GPSM2: variants seen among roughly 807,000 people sequenced by gnomAD.
The protein encoded by GPSM2 is G protein-signaling modulator 2.
Under a neutral mutation model 78.4 loss-of-function variants are expected in GPSM2, and 58 were observed. That is an observed-to-expected ratio of 0.74 (90% CI 0.60 to 0.92). The LOEUF (loss-of-function observed/expected upper bound fraction) is 0.92, where lower values mean the gene tolerates loss of function less well. GPSM2 is among the 40% of genes least tolerant of loss of function. GPSM2 has a pLI of 0.00. For synonymous variants in GPSM2, 224 were observed against 280.2 expected (o/e 0.80, Z 2.00); for missense variants, 700 against 815.5 (o/e 0.86, Z 1.73).
intron 10 of GPSM2, among the ~76,000 whole-genome samples, chr1:108,911,079 A>G (rs570579449): frequency 6.6e-6 from 1 of 152,166 alleles, no homozygotes; most frequent in South Asian, 2.1e-4. Flanking sequence ...AAATCCAACT[A>G]CACACTACTT....
At chr1:108,914,783 TAGA>T (rs1557873584) in intron 11 of GPSM2, among the ~76,000 whole-genome samples, 1 of 152,214 alleles carries the variant, frequency 6.6e-6, no homozygotes, top group Non-Finnish European at 1.5e-5. Context: ...TTTTAATTAA[TAGA>T]AGATCAGGAA....
At position 108,904,205 on chromosome 1, in the gene GPSM2, A is replaced by G; in HGVS notation, c.1143A>G (p.Thr381=). The change falls in exon 10 of 15, where the codon ACA becomes ACG. Residue 381 remains threonine (T), a synonymous_variant. Coordinates refer to ENST00000264126, the MANE Select transcript of GPSM2 (RefSeq NM_013296.5). ...LQMVLGLSYS[T]NNSIMSENTE... ...TGGTTCTTGGTCTGAGCTACAGCAC[A>G]AATAACTCCATAATGTCTGAAAATA... 1 of 1,601,764 alleles carries G rather than the reference A, an allele frequency of 6.2e-7. No homozygotes were observed. Among genetic ancestry groups the G allele is most frequent in the East Asian group, 2.2e-5 (1 of 44,638 alleles).
In GPSM2 at chr1:108,898,012, G is replaced by A; in HGVS notation, c.468G>A (p.Gly156=). The A allele has an allele frequency of 3.1e-6, 5 of 1,613,976 alleles. No individual in the cohort carries two copies. The highest frequency in any genetic ancestry group is 3.4e-6 in the Non-Finnish European group (4 of 1,179,838). The change falls in exon 5 of 15, where the codon GGG becomes GGA. Residue 156 remains glycine (G), a synonymous_variant. Coordinates refer to ENST00000264126, the MANE Select transcript of GPSM2 (RefSeq NM_013296.5). ...YNLGNVYHAK[G]KSFGCPGPQD... is the part of the protein sequence containing the mutation. ...TTGGGAATGTGTATCATGCCAAAGG[G>A]AAAAGTTTTGGTTGCCCTGGTCCCC...
intron 1 of GPSM2, among the ~76,000 whole-genome samples, chr1:108,880,395 A>G (rs1665833179): frequency 6.6e-6 from 1 of 152,154 alleles, no homozygotes; most frequent in Admixed American, 6.5e-5. Flanking sequence ...AGGAGTCGAG[A>G]CCAGCCTGCC....
rs1189357561 is a variant in GPSM2, at chr1:108,932,888, C to T, written c.*2948C>T. ...TTCTAAAGATGTTTGCAATATTAAA[C>T]TAGAATATATTAACATGTATAATTT... On this transcript the variant is annotated 3_prime_UTR_variant, in exon 15 of 15. Coordinates refer to ENST00000264126, the MANE Select transcript of GPSM2 (RefSeq NM_013296.5). The T allele has an allele frequency of 6.6e-6, 1 of 152,180 alleles. No individual in the cohort carries two copies. Among genetic ancestry groups the T allele is most frequent in the Non-Finnish European group, 1.5e-5 (1 of 68,032 alleles). The allele number at this position is 152,180 out of a possible 1,614,324, so 9.4% of individuals were successfully genotyped here.
In GPSM2 at chr1:108,903,492, C is replaced by G. The variant is rs577457488; in HGVS notation, c.1062+258C>G. ...AGGAGAGTACTAAAATATGCCCCTA[C>G]TCTACCCGCATCTCTACATGGAGAA... On this transcript the variant is annotated intron_variant, in intron 9 of 14. Coordinates refer to ENST00000264126, the MANE Select transcript of GPSM2 (RefSeq NM_013296.5). Among the ~76,000 whole-genome samples the G allele has an allele frequency of 5.3e-5, 8 of 152,220 alleles. No homozygotes were observed. In the East Asian group the frequency reaches 1.5e-3, roughly 29 times the overall value.
intron 2 of GPSM2, 35 bp from the exon 3 acceptor site, chr1:108,896,829 T>A: frequency 7.0e-7 from 1 of 1,433,968 alleles, no homozygotes; most frequent in Non-Finnish European, 9.8e-7. Context: ...AGCTGTAATG[T>A]TATGTTTAAA....
At chr1:108,900,712 T>TTA (rs758785865) in intron 7 of GPSM2, among the ~76,000 whole-genome samples, 80 of 152,308 alleles carry the variant, frequency 5.3e-4, no homozygotes, top group Non-Finnish European at 9.7e-4. Context: ...CCAGAAAGCA[T>TTA]TATGCCACAG....
At chr1:108,922,288 T>A (rs1650771316) in intron 12 of GPSM2, 129 bp from the exon 13 acceptor site, 3 of 697,558 alleles carry the variant, frequency 4.3e-6, no homozygotes, top group African/African-American at 1.8e-5. Flanking sequence ...TCTTGTATTC[T>A]TTTTCAAAAT....
In GPSM2 at chr1:108,929,693, A is replaced by G. The variant is rs138132875; in HGVS notation, c.1816-8A>G. ...GTATGTCTTTTAATCTCTCTCATAA[A>G]CTTCTAGGGATCCAGATTAGATGAT... On this transcript the variant is annotated splice_region_variant and splice_polypyrimidine_tract_variant and intron_variant, in intron 14 of 14. Coordinates refer to ENST00000264126, the MANE Select transcript of GPSM2 (RefSeq NM_013296.5). 649 of 1,612,714 alleles carry G rather than the reference A, an allele frequency of 4.0e-4. 1 individual carries two copies. The African/African-American group carries it at 8.0e-3, about 20-fold the overall frequency.
chr1:108,909,124 GAAAAACCA>G (rs1053206587), intron 10 of GPSM2, among the ~76,000 whole-genome samples: 17 of 152,246 alleles, frequency 1.1e-4, no homozygotes, highest in African/African-American at 3.9e-4. Flanking sequence ...GGGCAATAGA[GAAAAACCA>G]AAAAACTACA....
intron 11 of GPSM2, among the ~76,000 whole-genome samples, chr1:108,917,611 C>CACACACACACATATATATAT (rs1312607573): frequency 4.4e-5 from 1 of 22,724 alleles, no homozygotes; most frequent in African/African-American, 1.8e-4. Context: ...CACACACACA[C>CACACACACACATATATATAT]ATATATATAT....
intron 9 of GPSM2, 79 bp downstream of exon 9, chr1:108,903,313 AGATT>A: frequency 3.9e-6 from 3 of 763,622 alleles, no homozygotes; most frequent in Non-Finnish European, 4.7e-6. Context: ...CTATTTCTCT[AGATT>A]GATCATGTGG....
intron 12 of GPSM2, among the ~76,000 whole-genome samples, chr1:108,920,598 C>A (rs1006278640): frequency 2.0e-5 from 3 of 151,406 alleles, no homozygotes; most frequent in Non-Finnish European, 4.4e-5. Flanking sequence ...TGTGTAGTAT[C>A]TTTTGTCTCG....
At position 108,894,300 on chromosome 1, in the gene GPSM2, T is replaced by C. The variant is rs557566852; in HGVS notation, c.57-2564T>C. Among the ~76,000 whole-genome samples, 3 of 152,362 alleles carry C rather than the reference T, an allele frequency of 2.0e-5. No homozygotes were observed. In the South Asian group the frequency reaches 6.2e-4, roughly 32 times the overall value. ...AAGGTTTCTGATTTAACTGCTTATCTTACTATGTATTTTAGATCTTCTCTC... is the reference window on the plus strand; with the variant it reads ...AAGGTTTCTGATTTAACTGCTTATCCTACTATGTATTTTAGATCTTCTCTC... On this transcript the variant is annotated intron_variant, in intron 2 of 14. Coordinates refer to ENST00000264126, the MANE Select transcript of GPSM2 (RefSeq NM_013296.5).
intron 2 of GPSM2, among the ~76,000 whole-genome samples, chr1:108,887,766 C>G (rs1256277197): frequency 3.9e-5 from 6 of 152,194 alleles, no homozygotes; most frequent in African/African-American, 1.4e-4. Flanking sequence ...GCAGCCTACC[C>G]CCATCCGTGT....
At chr1:108,902,559 T>C (rs1357924160) in intron 8 of GPSM2, among the ~76,000 whole-genome samples, 5 of 152,156 alleles carry the variant, frequency 3.3e-5, no homozygotes, top group Admixed American at 1.3e-4. Flanking sequence ...CTGGAAGTGC[T>C]GAGTTTTATA....
Position 108,931,415 on chromosome 1 carries a change from A to C in GPSM2, c.*1475A>C, listed in dbSNP as rs762592963. 6.4e-7 allele frequency: 1 copy of C among 1,551,184 alleles called. No individual in the cohort carries two copies. ...GGGACCTGGAGTAACACTGGATCAC[A>C]GACTGCAAAGGCCCACGCTTGGAAC... On this transcript the variant is annotated 3_prime_UTR_variant, in exon 15 of 15. Coordinates refer to ENST00000264126, the MANE Select transcript of GPSM2 (RefSeq NM_013296.5).
chr1:108,894,209 T>C (rs928352708), intron 2 of GPSM2, among the ~76,000 whole-genome samples: 1 of 152,228 alleles, frequency 6.6e-6, no homozygotes, highest in African/African-American at 2.4e-5. Context: ...TTTTCATTTT[T>C]GGAAGGCAAA....
Sources: gnomAD v4.1 joint callset for allele counts (sites outside exome capture counted in the v4.1 genomes callset) on GRCh38, gnomAD v4.1.1 for gene constraint, MANE v1.5 for transcripts, NCBI Gene and HGNC (gene_info 2026-07-23, HGNC 2026-07-21) for gene names.